RYR3: variants seen among roughly 807,000 people sequenced by gnomAD.
RYR3 encodes the protein ryanodine receptor 3.
Under a neutral mutation model 584.3 loss-of-function variants are expected in RYR3, and 207 were observed. That is an observed-to-expected ratio of 0.35 (90% CI 0.32 to 0.40). The LOEUF (loss-of-function observed/expected upper bound fraction) is 0.40, where lower values mean the gene tolerates loss of function less well. Among genes scored for constraint, RYR3 ranks in the 10% least tolerant of loss-of-function variants. RYR3 has a pLI of 1.00. For synonymous variants in RYR3, 2,416 were observed against 2,248.5 expected, an observed-to-expected ratio of 1.07 and a Z score of -2.11; for missense variants, 5,616 against 6,089.2, an observed-to-expected ratio of 0.92 and a Z score of 2.59.
intron 39 of RYR3, 110 bp downstream of exon 39, chr15:33,696,601 G>A: frequency 8.4e-7 from 1 of 1,183,536 alleles, no homozygotes; most frequent in Non-Finnish European, 1.2e-6. Flanking sequence ...ATCTTTGTGT[G>A]AACTGATTCC....
chr15:33,672,804 A>G (rs1255355297), intron 38 of RYR3, among the ~76,000 whole-genome samples: 8 of 152,232 alleles, frequency 5.3e-5, no homozygotes, highest in Admixed American at 1.3e-4. Context: ...ATGAATTGGC[A>G]GTTTACTGAA....
intron 1 of RYR3, among the ~76,000 whole-genome samples, chr15:33,430,249 A>G (rs2045019881): frequency 6.6e-6 from 1 of 152,200 alleles, no homozygotes. Flanking sequence ...TCGGGCAGCT[A>G]ATGCTTAGGA....
At chr15:33,565,041 C>G (rs2057629260) in intron 11 of RYR3, among the ~76,000 whole-genome samples, 1 of 152,198 alleles carries the variant, frequency 6.6e-6, no homozygotes, top group East Asian at 1.9e-4. Context: ...AAAGCACCCT[C>G]TTTCCTATTC....
Position 33,606,004 on chromosome 15 carries a change from G to A in RYR3, c.2164+2640G>A, listed in dbSNP as rs79452262. ...AAGCCACTGCCTTGAACATACTGAA[G>A]TATGTCTTTAACATACTTATTAAAG... On this transcript the variant is annotated intron_variant, in intron 18 of 103. Transcript: ENST00000634891. Among the ~76,000 whole-genome samples, 179 of 152,260 alleles carry A rather than the reference G, an allele frequency of 1.2e-3. 2 individuals carry two copies. In the East Asian group the frequency reaches 0.031, roughly 27 times the overall value.
At chr15:33,745,431 C>A (rs1028668695) in intron 52 of RYR3, among the ~76,000 whole-genome samples, 52 of 151,982 alleles carry the variant, frequency 3.4e-4, no homozygotes, top group African/African-American at 1.2e-3. Flanking sequence ...ACACATTTAA[C>A]AAATGGACAG....
intron 67 of RYR3, among the ~76,000 whole-genome samples, chr15:33,789,277 A>G (rs1352869023): frequency 6.6e-6 from 1 of 152,052 alleles, no homozygotes; most frequent in Non-Finnish European, 1.5e-5. Context: ...TCAGATAACA[A>G]GCCCCTGGAG....
rs1318960131 is a variant in RYR3 at position 33,853,571 on chromosome 15, G to C, written c.13688G>C (p.Gly4563Ala). The C allele has an allele frequency of 1.2e-6, 2 of 1,613,808 alleles. No homozygotes were observed. Reference sequence around the variant, plus strand: ...TTGCTTCAGGTGATCAACAAGTATGGAGATCTCTACGGAGCAGAACGCATT... The same window carrying C: ...TTGCTTCAGGTGATCAACAAGTATGCAGATCTCTACGGAGCAGAACGCATT... Reference protein sequence around the residue: ...FVKRKVINKYGDLYGAERIAE... With the variant: ...FVKRKVINKYADLYGAERIAE... The change falls in exon 96 of 104, where the codon GGA becomes GCA. Residue 4563 changes from glycine (G) to alanine (A), a missense_variant. By Grantham distance (60) the Gly-to-Ala change is moderately conservative. Around this residue, in one of 9 missense-constraint regions of RYR3, gnomAD observed 918 missense variants for 887.4 expected, o/e 1.03. Transcript: ENST00000634891.
chr15:33,845,378 G>A (rs1347104617), intron 93 of RYR3, among the ~76,000 whole-genome samples: 3 of 152,122 alleles, frequency 2.0e-5, no homozygotes, highest in South Asian at 2.1e-4. Flanking sequence ...TCAGCCTCCC[G>A]AGTAGCTGGG....
chr15:33,356,726 G>A (rs1974031686), intron 1 of RYR3, among the ~76,000 whole-genome samples: 1 of 152,162 alleles, frequency 6.6e-6, no homozygotes, highest in African/African-American at 2.4e-5. Context: ...GATACTCTCT[G>A]TTCCCTCATC....
intron 81 of RYR3, among the ~76,000 whole-genome samples, chr15:33,824,006 A>C (rs2077245137): frequency 6.6e-6 from 1 of 152,066 alleles, no homozygotes; most frequent in Non-Finnish European, 1.5e-5. Flanking sequence ...CTTTAGTCTC[A>C]GCTCTGTGGG....
intron 43 of RYR3, 144 bp downstream of exon 43, chr15:33,707,198 A>G (rs2152785034): frequency 1.1e-6 from 1 of 947,044 alleles, no homozygotes; most frequent in Non-Finnish European, 1.6e-6. Context: ...GGAGAATCAC[A>G]GGTGTTTGGT....
At chr15:33,693,432 GC>G (rs2065596490) in intron 38 of RYR3, among the ~76,000 whole-genome samples, 1 of 152,244 alleles carries the variant, frequency 6.6e-6, no homozygotes, top group African/African-American at 2.4e-5. Context: ...TGTGCCTGGG[GC>G]TACAGCGGCT....
chr15:33,460,136 AGG>A (rs1222665826), intron 1 of RYR3, among the ~76,000 whole-genome samples: 1 of 152,242 alleles, frequency 6.6e-6, no homozygotes, highest in African/African-American at 2.4e-5. Context: ...TATGGTCAGA[AGG>A]TCAGCAGAGT....
intron 1 of RYR3, among the ~76,000 whole-genome samples, chr15:33,427,983 C>T (rs1485280919): frequency 6.6e-6 from 1 of 152,212 alleles, no homozygotes; most frequent in Non-Finnish European, 1.5e-5. Context: ...CTCCCAGAAA[C>T]GGAGATCTCT....
At chr15:33,864,753 G>T (rs190243465) in intron 103 of RYR3, 8 of 197,280 alleles carry the variant, frequency 4.1e-5, no homozygotes, top group Non-Finnish European at 8.3e-5. Flanking sequence ...AATGGGAGAG[G>T]TACCTGGTTT....
At chr15:33,773,764 C>A in intron 64 of RYR3, 149 bp downstream of exon 64, 2 of 653,054 alleles carry the variant, frequency 3.1e-6, no homozygotes, top group Non-Finnish European at 5.5e-6. Flanking sequence ...TTATGACATG[C>A]TTTTGGCAAT....
rs189130723 is a variant in RYR3 at position 33,733,514 on chromosome 15, A to G, written c.7424+1820A>G. ...CTAATCCGAAAAGGCTACATGCTGT[A>G]TGATTCCAACTATATGGCTTTCCGG... On this transcript the variant is annotated intron_variant, in intron 48 of 103. Transcript: ENST00000634891. Among the ~76,000 whole-genome samples the G allele has an allele frequency of 3.2e-4, 48 of 152,356 alleles. 1 individual carries two copies. The highest frequency in any genetic ancestry group is 6.8e-3 in the Middle Eastern group (2 of 294).
chr15:33,525,000 G>T (rs2140998726), intron 3 of RYR3, among the ~76,000 whole-genome samples: 1 of 152,236 alleles, frequency 6.6e-6, no homozygotes, highest in South Asian at 2.1e-4. Flanking sequence ...TATATCTGAT[G>T]CATCAAAGCA....
At chr15:33,641,021 T>C (rs914516122) in intron 27 of RYR3, among the ~76,000 whole-genome samples, 5 of 152,154 alleles carry the variant, frequency 3.3e-5, no homozygotes, top group African/African-American at 2.4e-5. Flanking sequence ...TAGAGAGCCA[T>C]GTGGTGAGCT....
Sources: gnomAD v4.1 joint callset for allele counts (sites outside exome capture counted in the v4.1 genomes callset) on GRCh38, gnomAD v4.1.1 for gene constraint, gnomAD v4.1.1 regional missense constraint, MANE v1.5 for transcripts, NCBI Gene and HGNC (gene_info 2026-07-23, HGNC 2026-07-21) for gene names.